The following THRAP3 variants were observed in gnomAD, a reference collection of about 807,000 sequenced individuals.
The protein encoded by THRAP3 is thyroid hormone receptor-associated protein 3.
Under a neutral mutation model 101.0 loss-of-function variants are expected in THRAP3, and 16 were observed. That is an observed-to-expected ratio of 0.16 (90% CI 0.11 to 0.24). The LOEUF is 0.24. Ranked by LOEUF, THRAP3 falls within the 10% of genes least tolerant of loss-of-function variation. The pLI is 1.00. For synonymous variants in THRAP3, 407 were observed against 422.6 expected, an observed-to-expected ratio of 0.96 and a Z score of 0.45; for missense variants, 989 against 1,202.7, an observed-to-expected ratio of 0.82 and a Z score of 2.63.
intron 1 of THRAP3, among the ~76,000 whole-genome samples, chr1:36,243,157 T>C (rs1476113095): frequency 1.4e-5 from 2 of 144,186 alleles, no homozygotes; most frequent in Admixed American, 6.7e-5. Context: ...CTTTCTTTTT[T>C]TTTTTTTTTT....
At position 36,296,362 on chromosome 1, in the gene THRAP3, A is replaced by G. The variant is rs1004674526; in HGVS notation, c.2116-221A>G. Reference sequence around the variant, plus strand: ...CAATGCATAGCATTTTCAGAAGGCCAGCATCATTGTTTTGGAGGACTGGCG... The same window carrying G: ...CAATGCATAGCATTTTCAGAAGGCCGGCATCATTGTTTTGGAGGACTGGCG... On this transcript the variant is annotated intron_variant, in intron 8 of 11. Transcript: ENST00000354618. Among the ~76,000 whole-genome samples the G allele has an allele frequency of 2.6e-5, 4 of 152,238 alleles. No homozygotes were observed. In the East Asian group the frequency reaches 7.7e-4, roughly 29 times the overall value.
chr1:36,301,425 T>C, intron 10 of THRAP3, 128 bp from the exon 11 acceptor site: 2 of 1,228,318 alleles, frequency 1.6e-6, no homozygotes, highest in Non-Finnish European at 2.2e-6. Flanking sequence ...GGAAACCAGC[T>C]GACCAGCATA....
intron 1 of THRAP3, among the ~76,000 whole-genome samples, chr1:36,238,615 T>G (rs1645118682): frequency 6.6e-6 from 1 of 152,194 alleles, no homozygotes; most frequent in African/African-American, 2.4e-5. Context: ...ACAGCTGTTG[T>G]GATGATCTCA....
intron 1 of THRAP3, among the ~76,000 whole-genome samples, chr1:36,248,729 A>G (rs1238730193): frequency 1.3e-5 from 2 of 151,756 alleles, no homozygotes; most frequent in Non-Finnish European, 2.9e-5. Flanking sequence ...GGCTCACTTG[A>G]TTTATACTTG....
chr1:36,301,286 C>G (rs1233101765), intron 10 of THRAP3, among the ~76,000 whole-genome samples: 2 of 152,150 alleles, frequency 1.3e-5, no homozygotes, highest in Non-Finnish European at 2.9e-5. Flanking sequence ...GCTAGAAAGC[C>G]TCTTATGGCT....
intron 1 of THRAP3, among the ~76,000 whole-genome samples, chr1:36,249,854 T>A (rs1557817258): frequency 6.6e-6 from 1 of 151,752 alleles, no homozygotes; most frequent in Admixed American, 6.6e-5. Flanking sequence ...AGCATAGGAG[T>A]CAGTGGTAGA....
chr1:36,229,205 C>T (rs1040505115), intron 1 of THRAP3, among the ~76,000 whole-genome samples: 1 of 151,952 alleles, frequency 6.6e-6, no homozygotes, highest in Non-Finnish European at 1.5e-5. Flanking sequence ...TCAAGTGATT[C>T]TCCTGCCTCA....
At chr1:36,251,487 A>G (rs549518010) in intron 1 of THRAP3, among the ~76,000 whole-genome samples, 5 of 152,282 alleles carry the variant, frequency 3.3e-5, no homozygotes, top group African/African-American at 9.6e-5. Context: ...GCACAGAATG[A>G]TAGGGTTATT....
At chr1:36,302,371 G>A (rs1261416520) in intron 11 of THRAP3, among the ~76,000 whole-genome samples, 1 of 152,222 alleles carries the variant, frequency 6.6e-6, no homozygotes, top group African/African-American at 2.4e-5. Flanking sequence ...GGACAGCTAG[G>A]AAACAGGTTG....
At chr1:36,255,250 C>T (rs577217078) in intron 1 of THRAP3, among the ~76,000 whole-genome samples, 2 of 152,086 alleles carry the variant, frequency 1.3e-5, no homozygotes, top group Admixed American at 6.6e-5. Context: ...TTGCTTGTTA[C>T]GCCTGGTGGT....
intron 9 of THRAP3, among the ~76,000 whole-genome samples, chr1:36,299,652 A>G (rs888095687): frequency 6.6e-6 from 1 of 151,422 alleles, no homozygotes; most frequent in African/African-American, 2.4e-5. Context: ...GGGATTACAG[A>G]TGCTTTCCAC....
intron 2 of THRAP3, among the ~76,000 whole-genome samples, chr1:36,263,732 GA>G (rs1645477230): frequency 6.6e-6 from 1 of 152,138 alleles, no homozygotes; most frequent in South Asian, 2.1e-4. Flanking sequence ...TAATTGCATA[GA>G]TGATCCTGAG....
intron 2 of THRAP3, among the ~76,000 whole-genome samples, chr1:36,272,995 A>G (rs1399627821): frequency 1.3e-5 from 2 of 152,240 alleles, no homozygotes; most frequent in African/African-American, 2.4e-5. Context: ...TGTGAAGAGA[A>G]TGGAGATTGA....
chr1:36,253,032 G>A (rs974791224), intron 1 of THRAP3, among the ~76,000 whole-genome samples: 13 of 148,232 alleles, frequency 8.8e-5, no homozygotes, highest in Admixed American at 7.5e-4. Context: ...TTCTGCTTTT[G>A]GGGAGTACAA....
the THRAP3 span, among the ~76,000 whole-genome samples, chr1:36,214,741 C>A: frequency 3.1e-3 from 470 of 151,904 alleles, 3 homozygotes; most frequent in African/African-American, 0.011. Flanking sequence ...TGCCTGTAAC[C>A]CCAGCTACTC....
intron 2 of THRAP3, among the ~76,000 whole-genome samples, chr1:36,281,813 G>A (rs970602700): frequency 2.0e-5 from 3 of 152,028 alleles, no homozygotes; most frequent in Non-Finnish European, 4.4e-5. Flanking sequence ...GCTCACGCCT[G>A]TAATCCCAGC....
At chr1:36,239,049 T>C (rs1645124061) in intron 1 of THRAP3, among the ~76,000 whole-genome samples, 1 of 151,914 alleles carries the variant, frequency 6.6e-6, no homozygotes, top group Admixed American at 6.6e-5. Context: ...TTCTCCTGCC[T>C]CAGCCTCCCA....
the THRAP3 span, among the ~76,000 whole-genome samples, chr1:36,211,392 G>T: frequency 6.6e-6 from 1 of 151,586 alleles, no homozygotes; most frequent in African/African-American, 2.4e-5. Context: ...CAAAAAATTA[G>T]CAGAGCTTTG....
chr1:36,276,417 G>T (rs371956780), intron 2 of THRAP3, among the ~76,000 whole-genome samples: 2 of 151,850 alleles, frequency 1.3e-5, no homozygotes, highest in African/African-American at 4.8e-5. Context: ...CCAGCTACTC[G>T]GGAGGCTGAG....
Sources: gnomAD v4.1 joint callset for allele counts (sites outside exome capture counted in the v4.1 genomes callset) on GRCh38, gnomAD v4.1.1 for gene constraint, MANE v1.5 for transcripts, NCBI Gene and HGNC (gene_info 2026-07-23, HGNC 2026-07-21) for gene names.